THNSL1: variants seen among roughly 807,000 people sequenced by gnomAD.
The protein encoded by THNSL1 is threonine synthase like 1, also known as threonine synthase-like 1.
In THNSL1, 48 loss-of-function variants were observed where a neutral mutation model predicts 50.4. That is an observed-to-expected ratio of 0.95 (90% CI 0.76 to 1.21). The LOEUF is 1.21. Ranked by LOEUF, THNSL1 falls within the 50% of genes most tolerant of loss-of-function variation. THNSL1 has a pLI of 0.00. For synonymous variants in THNSL1, 309 were observed against 306.1 expected, an observed-to-expected ratio of 1.01 and a Z score of -0.10; for missense variants, 896 against 871.7, an observed-to-expected ratio of 1.03 and a Z score of -0.35.
At chr10:25,005,731 G>A in the THNSL1 span, among the ~76,000 whole-genome samples, 1 of 152,206 alleles carries the variant, frequency 6.6e-6, no homozygotes, top group South Asian at 2.1e-4. Flanking sequence ...AAAAATGGAT[G>A]CCAATTCTTC....
chr10:24,999,963 A>G, the THNSL1 span, among the ~76,000 whole-genome samples: 1 of 152,230 alleles, frequency 6.6e-6, no homozygotes, highest in African/African-American at 2.4e-5. Flanking sequence ...CATTTCAATG[A>G]TATCTGTGCT....
intron 1 of THNSL1, among the ~76,000 whole-genome samples, chr10:25,021,276 A>G (rs1365370627): frequency 6.6e-6 from 1 of 152,236 alleles, no homozygotes; most frequent in Non-Finnish European, 1.5e-5. Flanking sequence ...GCTAAGAGGT[A>G]TCTTTTTGTG....
At chr10:24,997,040 GA>G in the THNSL1 span, among the ~76,000 whole-genome samples, 1 of 152,152 alleles carries the variant, frequency 6.6e-6, no homozygotes, top group South Asian at 2.1e-4. Context: ...ACAAGCCAAT[GA>G]GAGATGCTTT....
the THNSL1 span, among the ~76,000 whole-genome samples, chr10:24,974,179 A>C: frequency 6.6e-6 from 1 of 152,166 alleles, no homozygotes; most frequent in African/African-American, 2.4e-5. Context: ...ACACCATAAG[A>C]TCCTCAGAAA....
the THNSL1 span, among the ~76,000 whole-genome samples, chr10:24,960,032 A>C: frequency 6.7e-6 from 1 of 149,154 alleles, no homozygotes; most frequent in African/African-American, 2.5e-5. Flanking sequence ...CCATCTCCCT[A>C]CCCCCACCTC....
the THNSL1 span, among the ~76,000 whole-genome samples, chr10:24,955,587 G>A: frequency 6.6e-6 from 1 of 152,164 alleles, no homozygotes; most frequent in Admixed American, 6.5e-5. Context: ...CTGACATGCT[G>A]TAAAAATGTA....
At chr10:24,985,774 G>T in the THNSL1 span, among the ~76,000 whole-genome samples, 4 of 152,076 alleles carry the variant, frequency 2.6e-5, no homozygotes, top group African/African-American at 9.7e-5. Flanking sequence ...TTCATTATGG[G>T]CACATAGATT....
At chr10:24,952,540 C>T in the THNSL1 span, 1 of 1,590,728 alleles carries the variant, frequency 6.3e-7, no homozygotes, top group African/African-American at 1.3e-5. The surrounding 1 kb of genome is among the most constrained non-coding windows in gnomAD (Gnocchi z 5.1). Context: ...CGACGCCTCG[C>T]CCGTAGTCTG....
rs1160849958 is a variant in THNSL1, at chr10:25,025,284, TTCA to T, written c.2065_2067del (p.Ser690del). The T allele has an allele frequency of 1.2e-6, 2 of 1,614,204 alleles. No individual in the cohort carries two copies. Among genetic ancestry groups the T allele is most frequent in the Non-Finnish European group, 1.7e-6 (2 of 1,180,036 alleles). On this transcript the variant is annotated inframe_deletion, in exon 3 of 3. Transcript: ENST00000376356. ...TAAAGATTAAAGAAATCAATGAGACTTCATCAAGTCAGCTCTATTTGCTGGGTT... is the reference window on the plus strand; with the variant it reads ...TAAAGATTAAAGAAATCAATGAGACTTCAAGTCAGCTCTATTTGCTGGGTT...
At chr10:24,957,567 G>T in the THNSL1 span, among the ~76,000 whole-genome samples, 5 of 151,570 alleles carry the variant, frequency 3.3e-5, no homozygotes, top group Non-Finnish European at 5.9e-5. Context: ...TGCAACCTCC[G>T]CATCTCAGAT....
At chr10:24,988,675 T>C in the THNSL1 span, among the ~76,000 whole-genome samples, 1 of 1,182 alleles carries the variant, frequency 8.5e-4, no homozygotes, top group Non-Finnish European at 2.0e-3. Context: ...TATATATATA[T>C]ATATATATAT....
the THNSL1 span, among the ~76,000 whole-genome samples, chr10:24,991,448 G>A: frequency 7.9e-5 from 12 of 151,486 alleles, no homozygotes; most frequent in African/African-American, 1.7e-4. Context: ...GCTGGACGTC[G>A]AGAGGAACAC....
chr10:25,004,892 G>A, the THNSL1 span, among the ~76,000 whole-genome samples: 1 of 152,000 alleles, frequency 6.6e-6, no homozygotes, highest in Non-Finnish European at 1.5e-5. Flanking sequence ...TTATAGTTTT[G>A]GGTTTTACGT....
Position 25,023,850 on chromosome 10 carries a change from A to AGAG in THNSL1, c.632_634dup (p.Glu211dup), listed in dbSNP as rs1850776261. Reference sequence around the variant, plus strand: ...TTTTCTGTGAAAGTGGGGCTTCCCCAGAGGAGGTAGCTGACAAAGTGCTGA... The same window carrying AGAG: ...TTTTCTGTGAAAGTGGGGCTTCCCCAGAGGAGGAGGTAGCTGACAAAGTGCTGA... On this transcript the variant is annotated inframe_insertion, in exon 3 of 3. Transcript: ENST00000376356. 2 of 1,614,230 alleles carry AGAG rather than the reference A, an allele frequency of 1.2e-6. No homozygotes were observed. The highest frequency in any genetic ancestry group is 1.7e-6 in the Non-Finnish European group (2 of 1,180,018).
the THNSL1 span, among the ~76,000 whole-genome samples, chr10:24,975,440 T>C: frequency 6.6e-6 from 1 of 152,170 alleles, no homozygotes; most frequent in African/African-American, 2.4e-5. Context: ...TGTGGTTATG[T>C]TGTTGATATG....
chr10:25,015,950 C>A (rs747502001), upstream of THNSL1: 1 of 1,603,782 alleles, frequency 6.2e-7, no homozygotes, highest in African/African-American at 1.3e-5. Flanking sequence ...CACCAAATGA[C>A]TCCTTAAAAG....
upstream of THNSL1, among the ~76,000 whole-genome samples, chr10:25,011,843 C>T (rs1850452628): frequency 2.0e-5 from 3 of 152,226 alleles, no homozygotes; most frequent in South Asian, 6.2e-4. Flanking sequence ...AAGCCAGCTG[C>T]AGAAATTTGC....
the THNSL1 span, among the ~76,000 whole-genome samples, chr10:24,996,764 AC>A: frequency 1.3e-5 from 2 of 152,186 alleles, no homozygotes; most frequent in African/African-American, 4.8e-5. Flanking sequence ...GCCAATACTT[AC>A]AGTTAAAAGT....
chr10:24,997,024 C>T, the THNSL1 span, among the ~76,000 whole-genome samples: 109 of 152,252 alleles, frequency 7.2e-4, no homozygotes, highest in Middle Eastern at 6.8e-3. Context: ...GAAAAGATAA[C>T]CATCTACAAG....
Sources: allele counts gnomAD v4.1 joint callset (sites outside exome capture counted in the v4.1 genomes callset), GRCh38; gene constraint gnomAD v4.1.1; non-coding constraint Gnocchi (gnomAD v3.1); transcripts MANE v1.5; gene names NCBI Gene and HGNC (gene_info 2026-07-23, HGNC 2026-07-21).